ITGBL1: variants seen among roughly 807,000 people sequenced by gnomAD.
ITGBL1 encodes integrin beta-like protein 1.
In ITGBL1, 51 loss-of-function variants were observed where a neutral mutation model predicts 68.5. That is an observed-to-expected ratio of 0.74 (90% CI 0.59 to 0.94). The LOEUF (loss-of-function observed/expected upper bound fraction) is 0.94, where lower values mean the gene tolerates loss of function less well. ITGBL1 is among the 40% of genes least tolerant of loss of function. The pLI is 0.00. For missense variants in ITGBL1, 649 were observed against 647.4 expected (o/e 1.00, Z -0.03); for synonymous variants, 209 against 227.3 (o/e 0.92, Z 0.72).
At position 101,681,740 on chromosome 13, in the gene ITGBL1, G is replaced by A. The variant is rs75146785; in HGVS notation, c.1016-10845G>A. 1.9e-3 allele frequency among the ~76,000 whole-genome samples: 296 copies of A among 152,106 alleles called. 3 individuals are homozygous for A. In the East Asian group the frequency reaches 0.046, roughly 23 times the overall value. On this transcript the variant is annotated intron_variant, in intron 7 of 10. Transcript: ENST00000376180. ...AGATTATGAAAAAAGAGGAATCCAA[G>A]AAGAAAAGAAAAACCTGGAAGAAAG...
At chr13:101,534,114 T>C (rs1051634306) in intron 2 of ITGBL1, among the ~76,000 whole-genome samples, 6 of 152,126 alleles carry the variant, frequency 3.9e-5, no homozygotes, top group Non-Finnish European at 5.9e-5. Context: ...TAAACAAATA[T>C]AGACTACCGT....
intron 7 of ITGBL1, among the ~76,000 whole-genome samples, chr13:101,690,925 A>T (rs1327486012): frequency 1.3e-5 from 2 of 152,174 alleles, no homozygotes; most frequent in African/African-American, 4.8e-5. Flanking sequence ...ATTTTATTAG[A>T]AGGCTTTAGG....
At chr13:101,598,898 G>C (rs984206636) in intron 7 of ITGBL1, among the ~76,000 whole-genome samples, 1 of 152,060 alleles carries the variant, frequency 6.6e-6, no homozygotes, top group African/African-American at 2.4e-5. Context: ...ATAAACATAC[G>C]TGTGCATGTG....
Position 101,455,875 on chromosome 13 carries a change from A to C in ITGBL1, c.316+1775A>C, listed in dbSNP as rs377081623. On this transcript the variant is annotated intron_variant, in intron 2 of 10. Transcript: ENST00000376180. ...TCTTCAATATCATGAATTTTGAACA[A>C]ATTTTCCAGGGCTTTTTCTCTTGTT... Among the ~76,000 whole-genome samples the C allele has an allele frequency of 1.6e-4, 25 of 152,200 alleles. No individual in the cohort carries two copies. In the South Asian group the frequency reaches 5.2e-3, roughly 32 times the overall value.
At chr13:101,673,094 T>C (rs150471168) in intron 7 of ITGBL1, among the ~76,000 whole-genome samples, 2 of 152,290 alleles carry the variant, frequency 1.3e-5, no homozygotes, top group East Asian at 1.9e-4. Context: ...GGGTGAGAAG[T>C]TGACAATTTC....
intron 2 of ITGBL1, among the ~76,000 whole-genome samples, chr13:101,528,671 C>T (rs1456473996): frequency 6.6e-6 from 1 of 151,876 alleles, no homozygotes; most frequent in Non-Finnish European, 1.5e-5. Context: ...TCTCCACATA[C>T]TGAATGTATA....
chr13:101,600,351 GT>G (rs1329236265), intron 7 of ITGBL1, among the ~76,000 whole-genome samples: 1 of 145,098 alleles, frequency 6.9e-6, no homozygotes, highest in African/African-American at 2.6e-5. Context: ...AGACAATGGG[GT>G]TTTCTAGATA....
At chr13:101,528,521 C>T (rs2049419190) in intron 2 of ITGBL1, among the ~76,000 whole-genome samples, 1 of 151,438 alleles carries the variant, frequency 6.6e-6, no homozygotes, top group Non-Finnish European at 1.5e-5. Flanking sequence ...ATGTTGTGTT[C>T]TTCTTTTCCT....
Position 101,715,566 on chromosome 13 carries a change from A to G in ITGBL1, c.1397A>G (p.Asn466Ser). The stretch of plus-strand genomic sequence containing the variant: ...ACCTATATGTATTTTATTGCAGGGA[A>G]TGGAATATGTAGCTGTGGAAACTGT... ...DKHDGLICTG[N>S]GICSCGNCEC... The change falls in exon 11 of 11, where the codon AAT (asparagine) becomes AGT (serine). Residue 466 changes from asparagine to serine, a missense_variant. Physicochemically the swap from Asn to Ser is conservative, Grantham distance 46 (BLOSUM62 1). Transcript: ENST00000376180. 1 of 1,606,952 alleles carries G rather than the reference A, an allele frequency of 6.2e-7. No homozygotes were observed. The highest frequency in any genetic ancestry group is 1.1e-5 in the South Asian group (1 of 90,938).
chr13:101,499,112 A>G lies in ITGBL1; in HGVS notation c.316+45012A>G, dbSNP rs534948852. 8.5e-5 allele frequency among the ~76,000 whole-genome samples: 13 copies of G among 152,280 alleles called. No homozygotes were observed. The South Asian group carries it at 2.7e-3, about 32-fold the overall frequency. Reference sequence around the variant, plus strand: ...GGTGGGGACACAGCCAAACCATATCAGTTTCTGAATGTCCTCTTCAGGCAC... The same window carrying G: ...GGTGGGGACACAGCCAAACCATATCGGTTTCTGAATGTCCTCTTCAGGCAC... On this transcript the variant is annotated intron_variant, in intron 2 of 10. Coordinates refer to ENST00000376180, the MANE Select transcript of ITGBL1 (RefSeq NM_004791.3).
intron 7 of ITGBL1, among the ~76,000 whole-genome samples, chr13:101,599,401 A>G (rs957628565): frequency 2.2e-4 from 33 of 149,996 alleles, no homozygotes; most frequent in African/African-American, 8.0e-4. Flanking sequence ...GTTCACTCTG[A>G]TGGTGGTTTC....
intron 2 of ITGBL1, among the ~76,000 whole-genome samples, chr13:101,490,510 C>G (rs2048761151): frequency 2.0e-5 from 3 of 152,174 alleles, no homozygotes. Flanking sequence ...AATAATACTA[C>G]TAACAGGGCT....
chr13:101,552,343 T>C (rs551196002), intron 2 of ITGBL1, among the ~76,000 whole-genome samples: 85 of 152,330 alleles, frequency 5.6e-4, no homozygotes, highest in African/African-American at 1.9e-3. Context: ...TTTTTTTAAA[T>C]AGAATCAAAA....
At chr13:101,620,108 A>C (rs1467739522) in intron 7 of ITGBL1, among the ~76,000 whole-genome samples, 1 of 152,154 alleles carries the variant, frequency 6.6e-6, no homozygotes, top group East Asian at 1.9e-4. Context: ...CATGAACATA[A>C]TTACAATATT....
At chr13:101,524,492 G>C (rs1329123669) in intron 2 of ITGBL1, among the ~76,000 whole-genome samples, 3 of 151,626 alleles carry the variant, frequency 2.0e-5, no homozygotes, top group Admixed American at 2.0e-4. Flanking sequence ...CATTTATTTG[G>C]GAAAGATATT....
At chr13:101,590,989 C>T (rs1478678284) in intron 6 of ITGBL1, among the ~76,000 whole-genome samples, 1 of 152,038 alleles carries the variant, frequency 6.6e-6, no homozygotes, top group African/African-American at 2.4e-5. Context: ...CTGCAACCTC[C>T]GCCTCCTGGG....
chr13:101,544,333 G>T (rs932998554), intron 2 of ITGBL1, among the ~76,000 whole-genome samples: 11 of 152,214 alleles, frequency 7.2e-5, no homozygotes, highest in African/African-American at 2.4e-4. Context: ...GACCCTGTTT[G>T]CCTGGGTATC....
intron 7 of ITGBL1, among the ~76,000 whole-genome samples, chr13:101,649,458 A>C (rs61965080): frequency 6.6e-6 from 1 of 152,094 alleles, no homozygotes; most frequent in Non-Finnish European, 1.5e-5. Flanking sequence ...TCCTAAATAA[A>C]TGATTAAAGA....
At chr13:101,651,361 C>T (rs1167696219) in intron 7 of ITGBL1, among the ~76,000 whole-genome samples, 1 of 152,122 alleles carries the variant, frequency 6.6e-6, no homozygotes, top group African/African-American at 2.4e-5. Flanking sequence ...GAGATGGTAT[C>T]TCATTGTAGT....
Sources: allele counts gnomAD v4.1 joint callset (sites outside exome capture counted in the v4.1 genomes callset), GRCh38; gene constraint gnomAD v4.1.1; transcripts MANE v1.5; gene names NCBI Gene and HGNC (gene_info 2026-07-23, HGNC 2026-07-21).